Variants in ZSWIM5 observed in about 807,000 individuals in gnomAD.
The protein encoded by ZSWIM5 is zinc finger SWIM-type containing 5, also known as zinc finger SWIM domain-containing protein 5.
In ZSWIM5, 55 loss-of-function variants were observed where a neutral mutation model predicts 119.6. The ratio of observed to expected loss-of-function variants is 0.46; its 90% CI spans 0.37 to 0.58. The LOEUF (loss-of-function observed/expected upper bound fraction) is 0.58, where lower values mean the gene tolerates loss of function less well. ZSWIM5 is among the 20% of genes least tolerant of loss of function. ZSWIM5 has a pLI of 0.00. For synonymous variants in ZSWIM5, 537 were observed against 606.9 expected, an observed-to-expected ratio of 0.88 and a Z score of 1.69; for missense variants, 1,193 against 1,512.8, an observed-to-expected ratio of 0.79 and a Z score of 3.51.
intron 2 of ZSWIM5, among the ~76,000 whole-genome samples, chr1:45,066,013 TC>T (rs1467401954): frequency 2.3e-5 from 1 of 43,120 alleles, no homozygotes; most frequent in African/African-American, 9.5e-5. Flanking sequence ...CCCTCCCCCC[TC>T]CCCCCACCCC....
At chr1:45,056,102 C>T (rs1446838587) in intron 4 of ZSWIM5, among the ~76,000 whole-genome samples, 2 of 152,170 alleles carry the variant, frequency 1.3e-5, no homozygotes, top group African/African-American at 4.8e-5. Flanking sequence ...ACAGCTACTT[C>T]AGGAGACTGG....
chr1:45,070,431 TTGGTGGCAGCA>T (rs1434839013), intron 2 of ZSWIM5: 1 of 1,354,900 alleles, frequency 7.4e-7, no homozygotes, highest in Non-Finnish European at 1.0e-6. Context: ...AGTCTCCATG[TTGGTGGCAGCA>T]AGGGCTGTTC....
At chr1:45,058,059 GA>G (rs1199480197) in intron 4 of ZSWIM5, among the ~76,000 whole-genome samples, 3 of 152,174 alleles carry the variant, frequency 2.0e-5, no homozygotes, top group Non-Finnish European at 4.4e-5. Flanking sequence ...TTTCTCATTG[GA>G]AATGGTCAGT....
chr1:45,185,974 C>T (rs921816953), intron 1 of ZSWIM5, among the ~76,000 whole-genome samples: 34 of 152,108 alleles, frequency 2.2e-4, no homozygotes, highest in Non-Finnish European at 3.5e-4. Flanking sequence ...CGGCATTATT[C>T]ACAATAGCAA....
At chr1:45,104,426 T>C (rs987145698) in intron 1 of ZSWIM5, among the ~76,000 whole-genome samples, 3 of 152,306 alleles carry the variant, frequency 2.0e-5, no homozygotes, top group African/African-American at 7.2e-5. Context: ...TTCTTAATTA[T>C]GCAAATAGAC....
At chr1:45,166,095 A>G (rs557050311) in intron 1 of ZSWIM5, among the ~76,000 whole-genome samples, 1 of 152,196 alleles carries the variant, frequency 6.6e-6, no homozygotes, top group Non-Finnish European at 1.5e-5. Context: ...TGAATCCAGC[A>G]GCACATCAAA....
chr1:45,181,496 T>C (rs561114944), intron 1 of ZSWIM5, among the ~76,000 whole-genome samples: 97 of 151,660 alleles, frequency 6.4e-4, no homozygotes, highest in African/African-American at 1.4e-3. Context: ...TGGAACCAAG[T>C]TGGAAAACAC....
intron 4 of ZSWIM5, 88 bp from the exon 5 acceptor site, chr1:45,051,341 G>A (rs1645087412): frequency 7.5e-7 from 1 of 1,337,560 alleles, no homozygotes; most frequent in African/African-American, 1.5e-5. Flanking sequence ...TTAGATGGTA[G>A]AGAAAGTTTC....
intron 1 of ZSWIM5, among the ~76,000 whole-genome samples, chr1:45,198,100 C>G (rs554759227): frequency 3.9e-5 from 6 of 152,338 alleles, no homozygotes; most frequent in Admixed American, 2.0e-4. Flanking sequence ...GCAGAAACAA[C>G]AGACAATATC....
chr1:45,085,061 T>C (rs965140146), intron 2 of ZSWIM5, among the ~76,000 whole-genome samples: 3 of 152,226 alleles, frequency 2.0e-5, no homozygotes, highest in African/African-American at 7.2e-5. Context: ...GGCATTTCCA[T>C]ACATCCTCTG....
chr1:45,044,415 C>T (rs976979705), intron 5 of ZSWIM5, among the ~76,000 whole-genome samples: 7 of 151,408 alleles, frequency 4.6e-5, no homozygotes, highest in Admixed American at 3.3e-4. Flanking sequence ...TGGTGAAACC[C>T]GCTCTCTACA....
intron 1 of ZSWIM5, among the ~76,000 whole-genome samples, chr1:45,143,432 T>C (rs928469295): frequency 6.6e-6 from 1 of 152,162 alleles, no homozygotes; most frequent in Non-Finnish European, 1.5e-5. Flanking sequence ...AAGAAAGCAT[T>C]TGACAAAATA....
chr1:45,074,385 T>C (rs1645243945), intron 2 of ZSWIM5, among the ~76,000 whole-genome samples: 1 of 151,904 alleles, frequency 6.6e-6, no homozygotes, highest in African/African-American at 2.4e-5. Flanking sequence ...TTTTTTATTA[T>C]GGCTTTGAAT....
intron 1 of ZSWIM5, among the ~76,000 whole-genome samples, chr1:45,141,152 C>T (rs1053253100): frequency 6.6e-6 from 1 of 152,170 alleles, no homozygotes; most frequent in African/African-American, 2.4e-5. Flanking sequence ...GCTGCAGCAC[C>T]AGTAGCAACG....
chr1:45,044,275 G>A lies in ZSWIM5; in HGVS notation c.1433-880C>T, dbSNP rs533670096. Among the ~76,000 whole-genome samples, 12 of 151,802 alleles carry A rather than the reference G, an allele frequency of 7.9e-5. No individual in the cohort carries two copies. The Middle Eastern group carries it at 0.01, about 130-fold the overall frequency. Reference sequence around the variant, plus strand: ...TTACACTGATATCTGCAGGCTTACAGTCTTCTTTCCCAATAAGAAAAAACT... The same window carrying A: ...TTACACTGATATCTGCAGGCTTACAATCTTCTTTCCCAATAAGAAAAAACT... On this transcript the variant is annotated intron_variant, in intron 5 of 13. Transcript: ENST00000359600.
At chr1:45,035,961 G>A (rs1644980561) in intron 9 of ZSWIM5, 78 bp downstream of exon 9, 2 of 1,571,816 alleles carry the variant, frequency 1.3e-6, no homozygotes, top group East Asian at 4.5e-5. Context: ...AAATGTTCCT[G>A]TACTTGTACT....
intron 5 of ZSWIM5, among the ~76,000 whole-genome samples, chr1:45,046,359 G>C (rs1389007414): frequency 6.6e-6 from 1 of 152,170 alleles, no homozygotes; most frequent in African/African-American, 2.4e-5. Context: ...ATGAGCAGTA[G>C]TTGGATTCTG....
chr1:45,204,551 C>A (rs1646175762), intron 1 of ZSWIM5, among the ~76,000 whole-genome samples: 1 of 152,162 alleles, frequency 6.6e-6, no homozygotes, highest in South Asian at 2.1e-4. Flanking sequence ...ACACAGGAAT[C>A]AATGATTCTC....
chr1:45,044,812 T>C lies in ZSWIM5; in HGVS notation c.1433-1417A>G, dbSNP rs1262151121. 2.1e-4 allele frequency among the ~76,000 whole-genome samples: 3 copies of C among 14,056 alleles called. 1 individual carries two copies. The Admixed American group carries it at 3.8e-3, about 18-fold the overall frequency. The allele number at this position is 14,056 out of a possible 152,430, so 9.2% of individuals were successfully genotyped here. A position where few individuals can be genotyped will look rare whatever the true frequency, so the allele number is the denominator to read the frequency against. On this transcript the variant is annotated intron_variant, in intron 5 of 13. Transcript: ENST00000359600. ...ATAAATATATATATATAAATATATA[T>C]ATATATATAAATATATATATATAAA...
Sources: allele counts gnomAD v4.1 joint callset (sites outside exome capture counted in the v4.1 genomes callset), GRCh38; gene constraint gnomAD v4.1.1; transcripts MANE v1.5; gene names NCBI Gene and HGNC (gene_info 2026-07-23, HGNC 2026-07-21).